ANK3: variants seen among roughly 807,000 people sequenced by gnomAD.
The protein encoded by ANK3 is ankyrin-3.
A neutral mutation model predicts 370.9 loss-of-function variants in ANK3; 57 were observed. That is an observed-to-expected ratio of 0.15 (90% CI 0.12 to 0.19). The LOEUF is 0.19. Among genes scored for constraint, ANK3 ranks in the 10% least tolerant of loss-of-function variants. ANK3 has a pLI of 1.00. For synonymous variants in ANK3, 1,929 were observed against 1,946.3 expected (o/e 0.99, Z 0.23); for missense variants, 4,439 against 5,302.1 (o/e 0.84, Z 5.06).
intron 11 of ANK3, among the ~76,000 whole-genome samples, chr10:60,204,872 G>A (rs954915050): frequency 6.6e-6 from 1 of 152,122 alleles, no homozygotes; most frequent in African/African-American, 2.4e-5. Context: ...GAGTGAGCGG[G>A]GGTTTCCTGA....
chr10:60,418,386 C>T (rs971019984), intron 2 of ANK3, among the ~76,000 whole-genome samples: 2 of 152,240 alleles, frequency 1.3e-5, no homozygotes, highest in African/African-American at 4.8e-5. Context: ...AGTATCATTT[C>T]CAGCAAAAGC....
chr10:60,192,303 A>C (rs574195677), intron 16 of ANK3, among the ~76,000 whole-genome samples: 246 of 151,650 alleles, frequency 1.6e-3, no homozygotes, highest in African/African-American at 5.7e-3. Flanking sequence ...ATTGCATACC[A>C]TGTGTGTATG....
rs1334919779 is a variant in ANK3, at chr10:60,240,231, C to CAT, written c.799-5447_799-5446dup. On this transcript the variant is annotated intron_variant, in intron 7 of 43. Transcript: ENST00000280772. ...ATATATACACATATATATATACACA[C>CAT]ATATATATACACACATATATATACA... is the stretch of plus-strand genomic sequence containing the variant. 5.4e-3 allele frequency among the ~76,000 whole-genome samples: 760 copies of CAT among 140,796 alleles called. 8 individuals carry two copies. The highest frequency in any genetic ancestry group is 0.019 in the African/African-American group (727 of 37,390). The allele number at this position is 140,796 out of a possible 152,430, so 92.4% of individuals were successfully genotyped here. A position where few individuals can be genotyped will look rare whatever the true frequency, so the allele number is the denominator to read the frequency against.
In ANK3 at chr10:60,523,077, G is replaced by A. The variant is rs532342638; in HGVS notation, c.96+92109C>T. On this transcript the variant is annotated intron_variant, in intron 2 of 43. Coordinates refer to the ANK3 transcript ENST00000373827. ...AACAGTATACTAGACATCACCTAAC[G>A]GTCCATTAAAAAGATATCAAGTAAT... Among the ~76,000 whole-genome samples the A allele has an allele frequency of 6.9e-4, 105 of 152,020 alleles. 1 individual carries two copies. The highest frequency in any genetic ancestry group is 2.3e-3 in the African/African-American group (96 of 41,464).
intron 7 of ANK3, among the ~76,000 whole-genome samples, chr10:60,247,262 C>A (rs1008137742): frequency 1.3e-5 from 2 of 152,008 alleles, no homozygotes; most frequent in African/African-American, 4.8e-5. Context: ...TGTGATACAC[C>A]CACTTTGGCC....
At chr10:60,313,936 T>TTTTTTTTG (rs2046900632) in intron 1 of ANK3, among the ~76,000 whole-genome samples, 1 of 144,838 alleles carries the variant, frequency 6.9e-6, no homozygotes, top group African/African-American at 2.8e-5. Flanking sequence ...TTGTTTTTTT[T>TTTTTTTTG]TTTTTTGCTT....
At chr10:60,345,396 T>C (rs1411626066) in intron 1 of ANK3, among the ~76,000 whole-genome samples, 3 of 152,190 alleles carry the variant, frequency 2.0e-5, no homozygotes, top group African/African-American at 7.2e-5. Flanking sequence ...ATTGGTCATT[T>C]AGATTACCTG....
Position 60,069,656 on chromosome 10 carries a change from GT to G in ANK3, c.11224del (p.Thr3742GlnfsTer4). On this transcript the variant is annotated frameshift_variant, in exon 37 of 44. Transcript: ENST00000280772. LOFTEE classifies it high-confidence loss of function. ...TMKKEGPGEI[T>X]DKIEAVMTSC... ...GGTCATCACCGCTTCTATCTTATCT[GT>G]TATTTCTCCAGGGCCTTCTTTCTTC... 1 of 1,613,990 alleles carries G rather than the reference GT, an allele frequency of 6.2e-7. No individual in the cohort carries two copies. Among genetic ancestry groups the G allele is most frequent in the Non-Finnish European group, 8.5e-7 (1 of 1,179,956 alleles).
Position 60,547,664 on chromosome 10 carries a change from CAGAG to C in ANK3, c.96+67518_96+67521del, listed in dbSNP as rs1310531289. Among the ~76,000 whole-genome samples the C allele has an allele frequency of 3.4e-5, 5 of 147,196 alleles. No individual in the cohort carries two copies. In the East Asian group the frequency reaches 6.2e-4, roughly 18 times the overall value. ...TGGGGAGGGTGGTGGTGGAGACAGA[CAGAG>C]AGACAGAGAGAGAGAGACAGAGACA... is the stretch of plus-strand genomic sequence containing the variant. On this transcript the variant is annotated intron_variant, in intron 2 of 43. Coordinates refer to the ANK3 transcript ENST00000373827.
chr10:60,474,460 G>A (rs1396924801), intron 2 of ANK3, among the ~76,000 whole-genome samples: 2 of 152,170 alleles, frequency 1.3e-5, no homozygotes, highest in Admixed American at 1.3e-4. Flanking sequence ...GCCTCTCTCT[G>A]AAAATGGGGG....
Position 60,071,713 on chromosome 10 carries a change from T to G in ANK3, c.9168A>C (p.Pro3056=), listed in dbSNP as rs746277494. The change falls in exon 37 of 44, where the codon CCA becomes CCC. Residue 3056 remains proline (P), a synonymous_variant. Transcript: ENST00000280772. ...CATCACTAGAGGGAGATTCCTTTCC[T>G]GGGCTAAACTCTAAAGAATCAGGAG... is the stretch of plus-strand genomic sequence containing the variant. ...TKSPDSLEFS[P]GKESPSSDVF... is the part of the protein sequence containing the mutation. 4 of 1,596,706 alleles carry G rather than the reference T, an allele frequency of 2.5e-6. No individual in the cohort carries two copies. Among genetic ancestry groups the G allele is most frequent in the Non-Finnish European group, 3.4e-6 (4 of 1,173,906 alleles).
At chr10:60,387,092 G>A (rs2062474650) in intron 1 of ANK3, among the ~76,000 whole-genome samples, 1 of 151,982 alleles carries the variant, frequency 6.6e-6, no homozygotes, top group Non-Finnish European at 1.5e-5. Context: ...GCCAGGAGGT[G>A]GAGGTTGCAG....
At chr10:60,240,131 T>TATACAC (rs1565914831) in intron 7 of ANK3, among the ~76,000 whole-genome samples, 4 of 85,510 alleles carry the variant, frequency 4.7e-5, no homozygotes, top group African/African-American at 1.5e-4. Context: ...CACATATATA[T>TATACAC]ACATATATAT....
chr10:60,470,339 A>G (rs1279292908), intron 2 of ANK3, among the ~76,000 whole-genome samples: 1 of 152,160 alleles, frequency 6.6e-6, no homozygotes, highest in Non-Finnish European at 1.5e-5. Flanking sequence ...TGGTAAATTA[A>G]GTTAGATAAC....
rs752489335 is a variant in ANK3 at position 60,074,695 on chromosome 10, C to T, written c.6186G>A (p.Glu2062=). 2 of 1,613,606 alleles carry T rather than the reference C, an allele frequency of 1.2e-6. No individual in the cohort carries two copies. The highest frequency in any genetic ancestry group is 2.2e-5 in the South Asian group (2 of 90,850). The stretch of plus-strand genomic sequence containing the variant: ...CTGGTTTTAAAACTCTTTTCTGTCT[C>T]TCCTCACCATCCTTCTTTGCATCCT... The part of the protein sequence containing the change: ...KFEDAKKDGE[E]RQKRVLKPAI... Residue 2062 remains glutamate (E), a synonymous_variant, in exon 37 of 44, where the codon GAG becomes GAA. Coordinates refer to ENST00000280772, the MANE Select transcript of ANK3 (RefSeq NM_020987.5).
chr10:60,046,908 G>A (rs1374363814), intron 42 of ANK3, among the ~76,000 whole-genome samples: 1 of 150,766 alleles, frequency 6.6e-6, no homozygotes, highest in Admixed American at 6.6e-5. Flanking sequence ...CCGGGTTCAT[G>A]CCATTCTCCT....
At position 60,615,353 on chromosome 10, in the gene ANK3, A is replaced by T. The variant is rs2133322828; in HGVS notation, c.58-129T>A. On this transcript the variant is annotated intron_variant, in intron 1 of 43. Transcript: ENST00000373827. ...AGTAAGTTCCTTAAAAGGGGAGAACACAAAGTAAAATAGAGGAAATAAGAT... is the reference window on the plus strand; with the variant it reads ...AGTAAGTTCCTTAAAAGGGGAGAACTCAAAGTAAAATAGAGGAAATAAGAT... 2 of 506,656 alleles carry T rather than the reference A, an allele frequency of 3.9e-6. 1 individual carries two copies. Among genetic ancestry groups the T allele is most frequent in the African/African-American group, 4.0e-5 (2 of 50,196 alleles). 31.4% of individuals were successfully genotyped at this position (506,656 alleles called of 1,614,324 possible).
intron 2 of ANK3, among the ~76,000 whole-genome samples, chr10:60,432,919 C>T (rs1350898006): frequency 4.6e-5 from 7 of 152,074 alleles, no homozygotes; most frequent in Non-Finnish European, 7.4e-5. Flanking sequence ...TTCCTGTTCC[C>T]GCATCAGCCC....
intron 1 of ANK3, among the ~76,000 whole-genome samples, chr10:60,366,673 A>G (rs1006810779): frequency 3.3e-5 from 5 of 152,086 alleles, no homozygotes; most frequent in Non-Finnish European, 7.4e-5. Context: ...GGCAGGGAGG[A>G]AATCACTCAG....
Sources: gnomAD v4.1 joint callset for allele counts (sites outside exome capture counted in the v4.1 genomes callset) on GRCh38, gnomAD v4.1.1 for gene constraint, MANE v1.5 for transcripts, NCBI Gene and HGNC (gene_info 2026-07-23, HGNC 2026-07-21) for gene names.